DKK2: variants seen among roughly 807,000 people sequenced by gnomAD.
DKK2 encodes dickkopf Wnt signaling pathway inhibitor 2.
In DKK2, 11 loss-of-function variants were observed where a neutral mutation model predicts 28.1. The ratio of observed to expected loss-of-function variants is 0.39; its 90% CI spans 0.25 to 0.65. The LOEUF is 0.65. Ranked by LOEUF, DKK2 falls within the 30% of genes least tolerant of loss-of-function variation. The pLI is 0.47. For missense variants in DKK2, 326 were observed against 335.5 expected (o/e 0.97, Z 0.22); for synonymous variants, 135 against 126.5 (o/e 1.07, Z -0.45).
chr4:106,969,223 G>A (rs1437059518), intron 1 of DKK2, among the ~76,000 whole-genome samples: 1 of 151,032 alleles, frequency 6.6e-6, no homozygotes, highest in Non-Finnish European at 1.5e-5. Context: ...CTCCAGTTTG[G>A]GACCCCTCTT....
chr4:106,931,751 T>A (rs1194761136), intron 1 of DKK2, among the ~76,000 whole-genome samples: 4 of 152,136 alleles, frequency 2.6e-5, no homozygotes, highest in Admixed American at 2.0e-4. Context: ...TTATAAAATA[T>A]ACAAGTCATC....
At chr4:106,962,027 A>G (rs1438936569) in intron 1 of DKK2, among the ~76,000 whole-genome samples, 3 of 152,172 alleles carry the variant, frequency 2.0e-5, no homozygotes, top group Non-Finnish European at 4.4e-5. Context: ...TTTCTCACCA[A>G]GCAGTGGACT....
At chr4:106,928,697 A>G (rs1234964200) in intron 1 of DKK2, among the ~76,000 whole-genome samples, 3 of 152,182 alleles carry the variant, frequency 2.0e-5, no homozygotes, top group Non-Finnish European at 4.4e-5. Context: ...TTACCTTGTA[A>G]TAACTTCTAG....
At chr4:106,984,449 C>CT (rs1217758927) in intron 1 of DKK2, among the ~76,000 whole-genome samples, 1 of 152,164 alleles carries the variant, frequency 6.6e-6, no homozygotes, top group African/African-American at 2.4e-5. Context: ...AACATGTTAC[C>CT]TGTGTCTGGT....
chr4:107,024,302 C>G (rs1008238064), intron 1 of DKK2, among the ~76,000 whole-genome samples: 1 of 152,102 alleles, frequency 6.6e-6, no homozygotes, highest in Non-Finnish European at 1.5e-5. Flanking sequence ...TAGGGCTCTT[C>G]TTGAATAGAC....
At chr4:106,981,363 T>C (rs1473887303) in intron 1 of DKK2, among the ~76,000 whole-genome samples, 4 of 152,210 alleles carry the variant, frequency 2.6e-5, no homozygotes, top group Non-Finnish European at 4.4e-5. Flanking sequence ...CAGTCTAACA[T>C]ATTGAAAATA....
At position 107,035,691 on chromosome 4, in the gene DKK2, G is replaced by T. The variant is rs888090092; in HGVS notation, c.-100C>A. 2.0e-4 allele frequency: 251 copies of T among 1,258,714 alleles called. No individual in the cohort carries two copies. Among genetic ancestry groups the T allele is most frequent in the Non-Finnish European group, 2.6e-4 (235 of 892,900 alleles). 78.0% of individuals were successfully genotyped at this position (1,258,714 alleles called of 1,614,324 possible). A position where few individuals can be genotyped will look rare whatever the true frequency, so the allele number is the denominator to read the frequency against. On this transcript the variant is annotated 5_prime_UTR_variant, in exon 1 of 4. Transcript: ENST00000285311. ...ACGGGGCCCCTCACTTGGGTCGCGG[G>T]GGCTTGCAGATTGTGTTCCCTCAAC...
chr4:106,953,624 C>T (rs1176019106), intron 1 of DKK2, among the ~76,000 whole-genome samples: 2 of 152,166 alleles, frequency 1.3e-5, no homozygotes, highest in African/African-American at 4.8e-5. Context: ...ACCCATCACT[C>T]AGAAGCTCAG....
chr4:106,965,602 T>C (rs1176789604), intron 1 of DKK2, among the ~76,000 whole-genome samples: 1 of 152,132 alleles, frequency 6.6e-6, no homozygotes. Context: ...TAAGATTTTT[T>C]TTTTAATTAT....
intron 1 of DKK2, among the ~76,000 whole-genome samples, chr4:106,977,269 A>T (rs1240223362): frequency 1.3e-5 from 2 of 152,038 alleles, no homozygotes; most frequent in Admixed American, 6.6e-5. Context: ...GTATTTCCCG[A>T]ATTTGAATGT....
intron 1 of DKK2, among the ~76,000 whole-genome samples, chr4:107,024,750 A>C (rs1320829376): frequency 1.3e-5 from 2 of 152,182 alleles, no homozygotes; most frequent in Non-Finnish European, 1.5e-5. Context: ...CGATGAAAAA[A>C]CTAAGGCTTA....
chr4:106,939,012 A>C (rs1475505344), intron 1 of DKK2, among the ~76,000 whole-genome samples: 1 of 152,122 alleles, frequency 6.6e-6, no homozygotes, highest in Admixed American at 6.5e-5. Flanking sequence ...ATCATACTGA[A>C]TGGGCAAAAA....
intron 1 of DKK2, among the ~76,000 whole-genome samples, chr4:106,929,938 TAGTG>T (rs771092945): frequency 2.0e-5 from 3 of 152,186 alleles, no homozygotes; most frequent in South Asian, 2.1e-4. Context: ...GAGCAATTAA[TAGTG>T]AGAGTTTAAA....
intron 1 of DKK2, among the ~76,000 whole-genome samples, chr4:106,987,218 A>T (rs1239331836): frequency 6.6e-6 from 1 of 152,252 alleles, no homozygotes; most frequent in Non-Finnish European, 1.5e-5. Flanking sequence ...TGTATAAAAT[A>T]TGATCTTTGA....
At chr4:106,958,906 G>A (rs929363971) in intron 1 of DKK2, among the ~76,000 whole-genome samples, 1 of 150,932 alleles carries the variant, frequency 6.6e-6, no homozygotes, top group African/African-American at 2.4e-5. Flanking sequence ...ACTAAGCACA[G>A]CTGCTTCTAC....
At chr4:106,941,587 G>A (rs918181529) in intron 1 of DKK2, among the ~76,000 whole-genome samples, 1 of 152,094 alleles carries the variant, frequency 6.6e-6, no homozygotes, top group South Asian at 2.1e-4. Context: ...TCACACAGCA[G>A]TTTATGCAGT....
intron 1 of DKK2, among the ~76,000 whole-genome samples, chr4:106,983,921 C>T (rs959821928): frequency 2.6e-5 from 4 of 152,090 alleles, no homozygotes; most frequent in African/African-American, 7.2e-5. Flanking sequence ...TCAGTACACA[C>T]CTATCAGAAT....
intron 1 of DKK2, among the ~76,000 whole-genome samples, chr4:107,027,460 G>GA (rs71590175): frequency 0.26 from 34,572 of 130,890 alleles, 4,391 homozygotes; most frequent in East Asian, 0.54. Flanking sequence ...ATCTCAAAAT[G>GA]AAAAAAAAAA....
intron 1 of DKK2, among the ~76,000 whole-genome samples, chr4:106,960,189 AAT>A (rs1722666440): frequency 6.6e-6 from 1 of 150,622 alleles, no homozygotes; most frequent in East Asian, 1.9e-4. Context: ...ACTATAATAG[AAT>A]ATATATGAGA....
Sources: gnomAD v4.1 joint callset for allele counts (sites outside exome capture counted in the v4.1 genomes callset) on GRCh38, gnomAD v4.1.1 for gene constraint, MANE v1.5 for transcripts, NCBI Gene and HGNC (gene_info 2026-07-23, HGNC 2026-07-21) for gene names.